Variants in STARD13 observed in about 807,000 individuals in gnomAD.
The protein encoded by STARD13 is stAR-related lipid transfer protein 13.
In STARD13, 62 loss-of-function variants were observed where a neutral mutation model predicts 106.4. The observed-to-expected ratio is 0.58, with a 90% confidence interval of 0.48 to 0.72. The LOEUF is 0.72. Ranked by LOEUF, STARD13 falls within the 30% of genes least tolerant of loss-of-function variation. The probability of loss-of-function intolerance (pLI) is 0.00; values close to 1 mark genes in which losing one functional copy is unlikely to be tolerated. For missense variants in STARD13, 1,387 were observed against 1,424.0 expected (o/e 0.97, Z 0.42); for synonymous variants, 565 against 553.0 (o/e 1.02, Z -0.31).
chr13:33,617,188 C>T, the STARD13 span, among the ~76,000 whole-genome samples: 6 of 152,142 alleles, frequency 3.9e-5, no homozygotes, highest in Non-Finnish European at 7.4e-5. Flanking sequence ...AATTTGATCA[C>T]TTAGTTTGTG....
chr13:33,461,231 A>T, the STARD13 span, among the ~76,000 whole-genome samples: 1 of 152,194 alleles, frequency 6.6e-6, no homozygotes, highest in Non-Finnish European at 1.5e-5. Context: ...TGTGCAGTTT[A>T]TTGTATGTTA....
At chr13:33,551,181 G>A in the STARD13 span, among the ~76,000 whole-genome samples, 1 of 128,524 alleles carries the variant, frequency 7.8e-6, no homozygotes, top group South Asian at 2.4e-4. Flanking sequence ...TGCCTGACAT[G>A]TGCCATTTTA....
the STARD13 span, among the ~76,000 whole-genome samples, chr13:33,540,963 T>A: frequency 6.6e-6 from 1 of 152,082 alleles, no homozygotes; most frequent in Non-Finnish European, 1.5e-5. Context: ...TCATCCATGG[T>A]TTGAGTTTTG....
intron 1 of STARD13, among the ~76,000 whole-genome samples, chr13:33,325,983 T>TCAACA (rs60874548): frequency 6.2e-5 from 6 of 96,210 alleles, no homozygotes; most frequent in African/African-American, 2.4e-4. Context: ...AGACTCCGTT[T>TCAACA]AAAAAAAAAA....
chr13:33,465,581 T>G, the STARD13 span, among the ~76,000 whole-genome samples: 1 of 152,160 alleles, frequency 6.6e-6, no homozygotes, highest in Admixed American at 6.5e-5. Flanking sequence ...TGCCTAAAAG[T>G]CTCTGATAGG....
At chr13:33,409,592 A>G in the STARD13 span, among the ~76,000 whole-genome samples, 1 of 152,224 alleles carries the variant, frequency 6.6e-6, no homozygotes, top group Non-Finnish European at 1.5e-5. Context: ...GGGCAGAGAA[A>G]TGTATTAAGT....
the STARD13 span, among the ~76,000 whole-genome samples, chr13:33,506,623 C>T: frequency 1.4e-4 from 21 of 152,182 alleles, no homozygotes; most frequent in Non-Finnish European, 2.4e-4. Context: ...TTCCAAACAA[C>T]CAAGGCATGC....
the STARD13 span, among the ~76,000 whole-genome samples, chr13:33,390,661 A>C: frequency 3.3e-5 from 5 of 152,188 alleles, no homozygotes; most frequent in Non-Finnish European, 7.3e-5. Flanking sequence ...GTATGAAGAG[A>C]GAGTTGTTAT....
chr13:33,527,000 A>T, the STARD13 span, among the ~76,000 whole-genome samples: 2 of 151,996 alleles, frequency 1.3e-5, no homozygotes, highest in African/African-American at 2.4e-5. Context: ...AAAGAAGAGA[A>T]CTGTTTTGTT....
chr13:33,380,828 G>A, the STARD13 span, among the ~76,000 whole-genome samples: 21 of 152,276 alleles, frequency 1.4e-4, no homozygotes, highest in Non-Finnish European at 2.4e-4. Context: ...AGGTGGGGAA[G>A]GGGGGTGTGT....
chr13:33,379,324 C>A, the STARD13 span, among the ~76,000 whole-genome samples: 1 of 152,106 alleles, frequency 6.6e-6, no homozygotes, highest in African/African-American at 2.4e-5. Context: ...TTTTTCCTGA[C>A]ATTTGCAGAA....
At chr13:33,401,523 C>A in the STARD13 span, among the ~76,000 whole-genome samples, 1 of 152,148 alleles carries the variant, frequency 6.6e-6, no homozygotes, top group Non-Finnish European at 1.5e-5. Flanking sequence ...AACTTTAGGC[C>A]AACTTTGGCT....
chr13:33,337,961 T>C (rs928429406), intron 1 of STARD13, among the ~76,000 whole-genome samples: 9 of 152,212 alleles, frequency 5.9e-5, no homozygotes, highest in Non-Finnish European at 8.8e-5. Context: ...AGAGGTCACA[T>C]GACCCTGCAG....
chr13:33,126,209 C>A lies in STARD13; in HGVS notation c.1954G>T (p.Val652Phe), dbSNP rs147275669. 6 of 1,614,040 alleles carry A rather than the reference C, an allele frequency of 3.7e-6. No homozygotes were observed. In the African/African-American group the frequency reaches 8.0e-5, roughly 22 times the overall value. Residue 652 changes from valine to phenylalanine, a missense_variant, in exon 7 of 14, where the codon GTT (valine) becomes TTT (phenylalanine). Val to Phe is a conservative substitution (Grantham distance 50). Transcript: ENST00000336934. ...SVPKFMKRMK[V>F]PDYKDKAVFG... ...ACAGCCTTGTCTTTGTAGTCGGGAA[C>A]TTTCATCCTCTTCATGAACTTTGGA...
chr13:33,346,828 G>C (rs993921781), downstream of STARD13, among the ~76,000 whole-genome samples: 1 of 151,530 alleles, frequency 6.6e-6, no homozygotes, highest in South Asian at 2.1e-4. Flanking sequence ...TAGTAGAGAT[G>C]GGGTTTCACT....
chr13:33,398,248 A>C, the STARD13 span, among the ~76,000 whole-genome samples: 1 of 152,200 alleles, frequency 6.6e-6, no homozygotes, highest in Admixed American at 6.5e-5. Flanking sequence ...TAATAATTAG[A>C]GCTAACATTA....
chr13:33,557,862 A>G, the STARD13 span, among the ~76,000 whole-genome samples: 1 of 152,202 alleles, frequency 6.6e-6, no homozygotes, highest in Non-Finnish European at 1.5e-5. Context: ...GCCATAGAGA[A>G]TTTAGGGAGA....
chr13:33,492,785 C>A, the STARD13 span, among the ~76,000 whole-genome samples: 1 of 152,202 alleles, frequency 6.6e-6, no homozygotes, highest in Admixed American at 6.5e-5. Context: ...TCTTTTATTT[C>A]TTCGCTTTCC....
At chr13:33,473,322 T>A in the STARD13 span, among the ~76,000 whole-genome samples, 1 of 152,192 alleles carries the variant, frequency 6.6e-6, no homozygotes, top group African/African-American at 2.4e-5. Flanking sequence ...AACAAGGAAC[T>A]AACATTCAAA....
Sources: allele counts gnomAD v4.1 joint callset (sites outside exome capture counted in the v4.1 genomes callset), GRCh38; gene constraint gnomAD v4.1.1; transcripts MANE v1.5; gene names NCBI Gene and HGNC (gene_info 2026-07-23, HGNC 2026-07-21).